The following GMPR variants were observed in gnomAD, a reference collection of about 807,000 sequenced individuals.
GMPR encodes guanosine monophosphate reductase, also known as GMP reductase 1.
A neutral mutation model predicts 38.4 loss-of-function variants in GMPR; 31 were observed. The ratio of observed to expected loss-of-function variants is 0.81; its 90% CI spans 0.61 to 1.09. The LOEUF (loss-of-function observed/expected upper bound fraction) is 1.09. GMPR is among the 50% of genes least tolerant of loss of function. The pLI, the probability that GMPR is intolerant of heterozygous loss-of-function variation, is 0.00. For synonymous variants in GMPR, 162 were observed against 173.3 expected, an observed-to-expected ratio of 0.93 and a Z score of 0.51; for missense variants, 468 against 453.7, an observed-to-expected ratio of 1.03 and a Z score of -0.29.
intron 1 of GMPR, among the ~76,000 whole-genome samples, chr6:16,246,203 G>A (rs949363060): frequency 1.9e-4 from 29 of 152,250 alleles, no homozygotes; most frequent in African/African-American, 1.2e-4. Context: ...CTGGATTGCC[G>A]ATAGCAAGGT....
At chr6:16,262,275 A>G (rs531271887) in intron 4 of GMPR, 2 of 151,836 alleles carry the variant, frequency 1.3e-5, no homozygotes, top group Admixed American at 6.7e-5. Context: ...CGCTAAGCCA[A>G]GAAGATGTGG....
At chr6:16,245,014 G>C (rs572160173) in intron 1 of GMPR, among the ~76,000 whole-genome samples, 1 of 152,264 alleles carries the variant, frequency 6.6e-6, no homozygotes, top group South Asian at 2.1e-4. Flanking sequence ...CTAGCCCCAT[G>C]CCTGTTGGAG....
At chr6:16,241,339 G>A (rs1758644979) in intron 1 of GMPR, among the ~76,000 whole-genome samples, 1 of 152,164 alleles carries the variant, frequency 6.6e-6, no homozygotes, top group Non-Finnish European at 1.5e-5. Flanking sequence ...AGCAGGAAAC[G>A]GACAGTAAGA....
intron 1 of GMPR, among the ~76,000 whole-genome samples, chr6:16,244,871 G>A (rs1758725594): frequency 6.6e-6 from 1 of 152,148 alleles, no homozygotes; most frequent in Non-Finnish European, 1.5e-5. Flanking sequence ...AAAAAGGACT[G>A]GAAATGAGGG....
chr6:16,286,443 G>C (rs956884342), intron 7 of GMPR, among the ~76,000 whole-genome samples: 1 of 151,988 alleles, frequency 6.6e-6, no homozygotes, highest in Non-Finnish European at 1.5e-5. Context: ...TTGGAAGTCA[G>C]AGCTGGCCGC....
chr6:16,256,311 C>T (rs1561822142), intron 4 of GMPR, among the ~76,000 whole-genome samples: 1 of 137,472 alleles, frequency 7.3e-6, no homozygotes. Flanking sequence ...GTCAAGAGTT[C>T]AAGACCAGCC....
At chr6:16,251,092 T>C (rs2113672477) in intron 3 of GMPR, among the ~76,000 whole-genome samples, 1 of 152,256 alleles carries the variant, frequency 6.6e-6, no homozygotes, top group East Asian at 1.9e-4. Context: ...TGTACATGAA[T>C]GTTCATGGCA....
chr6:16,291,369 A>AC (rs896515601), intron 8 of GMPR, among the ~76,000 whole-genome samples: 2 of 151,484 alleles, frequency 1.3e-5, no homozygotes, highest in East Asian at 1.9e-4. Context: ...GATTACAGGT[A>AC]CCCCCCATCA....
chr6:16,250,219 A>T, intron 2 of GMPR, 65 bp from the exon 3 acceptor site: 2 of 860,330 alleles, frequency 2.3e-6, no homozygotes, highest in Admixed American at 1.7e-5. Flanking sequence ...CACCACCTCC[A>T]GATGGAGGAG....
chr6:16,250,423 C>T lies in GMPR; in HGVS notation c.291+56C>T, dbSNP rs1486933157. On this transcript the variant is annotated intron_variant, in intron 3 of 8. Coordinates refer to ENST00000259727, the MANE Select transcript of GMPR (RefSeq NM_006877.4). ...GTGCTGCAGGGGGGAACAAAATCTT[C>T]AGAGCTGTCAAGAGGATTTCAGTCA... 5 of 970,724 alleles carry T rather than the reference C, an allele frequency of 5.2e-6. No homozygotes were observed. In the East Asian group the frequency reaches 9.5e-5, roughly 18 times the overall value. 60.1% of individuals were successfully genotyped at this position (970,724 alleles called of 1,614,324 possible).
intron 4 of GMPR, among the ~76,000 whole-genome samples, chr6:16,267,292 A>G (rs1427847414): frequency 1.3e-5 from 2 of 152,038 alleles, no homozygotes; most frequent in Non-Finnish European, 1.5e-5. Flanking sequence ...GAATTGCATG[A>G]ACCTGGGAGG....
intron 4 of GMPR, among the ~76,000 whole-genome samples, chr6:16,258,340 T>C (rs1049623300): frequency 2.0e-5 from 3 of 152,152 alleles, no homozygotes; most frequent in African/African-American, 4.8e-5. Context: ...CTGAGAACTG[T>C]GAGCTGCCTG....
At position 16,295,293 on chromosome 6, in the gene GMPR, G is replaced by T; in HGVS notation, c.*107G>T. 2 of 817,470 alleles carry T rather than the reference G, an allele frequency of 2.4e-6. No homozygotes were observed. The highest frequency in any genetic ancestry group is 1.8e-6 in the Non-Finnish European group (1 of 559,698). 50.6% of individuals were successfully genotyped at this position (817,470 alleles called of 1,614,324 possible). A position where few individuals can be genotyped will look rare whatever the true frequency, so the allele number is the denominator to read the frequency against. ...GAGCTTCTGGCTGCTCCTGAATGGT[G>T]GAATGCTGTGTCCTCTCTTCTGTCT... On this transcript the variant is annotated 3_prime_UTR_variant, in exon 9 of 9. Transcript: ENST00000259727.
At chr6:16,263,346 C>G (rs1417204038) in intron 4 of GMPR, 4 of 151,814 alleles carry the variant, frequency 2.6e-5, no homozygotes, top group African/African-American at 9.7e-5. Context: ...GTATTGGGGT[C>G]AAGCAGCACT....
At chr6:16,265,032 C>T (rs1291312663) in intron 4 of GMPR, among the ~76,000 whole-genome samples, 1 of 152,124 alleles carries the variant, frequency 6.6e-6, no homozygotes, top group Non-Finnish European at 1.5e-5. Context: ...TGCCTGGTGG[C>T]TTTCAGGGAG....
intron 7 of GMPR, among the ~76,000 whole-genome samples, chr6:16,288,602 C>T (rs1214631785): frequency 6.6e-6 from 1 of 151,936 alleles, no homozygotes; most frequent in South Asian, 2.1e-4. Context: ...TGCTCCAAGG[C>T]CCCCAGTCCC....
intron 4 of GMPR, among the ~76,000 whole-genome samples, chr6:16,274,174 ACT>A (rs775151711): frequency 6.6e-6 from 1 of 151,956 alleles, no homozygotes; most frequent in Non-Finnish European, 1.5e-5. Flanking sequence ...CCTGACCTGG[ACT>A]CTCTAAGATC....
chr6:16,287,369 T>C (rs1169153622), intron 7 of GMPR, among the ~76,000 whole-genome samples: 3 of 152,234 alleles, frequency 2.0e-5, no homozygotes, highest in African/African-American at 4.8e-5. Flanking sequence ...AAACACACTT[T>C]AAAGTGACTG....
chr6:16,290,296 T>C (rs953233990), intron 7 of GMPR, 166 bp from the exon 8 acceptor site: 15 of 681,122 alleles, frequency 2.2e-5, no homozygotes, highest in Non-Finnish European at 2.9e-5. Flanking sequence ...ATGGAAGCCT[T>C]CTCCCTTTTT....
Sources: allele counts gnomAD v4.1 joint callset (sites outside exome capture counted in the v4.1 genomes callset), GRCh38; gene constraint gnomAD v4.1.1; transcripts MANE v1.5; gene names NCBI Gene and HGNC (gene_info 2026-07-23, HGNC 2026-07-21).